DDHD2: variants seen among roughly 807,000 people sequenced by gnomAD.
The protein encoded by DDHD2 is DDHD domain containing 2.
In DDHD2, 62 loss-of-function variants were observed where a neutral mutation model predicts 91.2. The observed-to-expected ratio is 0.68, with a 90% CI of 0.55 to 0.84. The LOEUF (loss-of-function observed/expected upper bound fraction) is 0.84. Among genes scored for constraint, DDHD2 ranks in the 40% least tolerant of loss-of-function variants. The pLI is 0.00. For synonymous variants in DDHD2, 271 were observed against 293.9 expected, an observed-to-expected ratio of 0.92 and a Z score of 0.80; for missense variants, 740 against 846.9, an observed-to-expected ratio of 0.87 and a Z score of 1.57.
downstream of DDHD2, chr8:38,264,100 A>G: frequency 1.0e-5 from 10 of 995,156 alleles, no homozygotes; most frequent in Non-Finnish European, 1.2e-5. Flanking sequence ...TGTCTTGTGC[A>G]TGGTCCGGTT....
At chr8:38,254,585 T>A (rs1035581255) in intron 16 of DDHD2, among the ~76,000 whole-genome samples, 2 of 152,114 alleles carry the variant, frequency 1.3e-5, no homozygotes, top group African/African-American at 4.8e-5. Flanking sequence ...TTGCCCAGGC[T>A]GGTCTAAACT....
At chr8:38,240,850 A>G (rs1805200351) in intron 6 of DDHD2, among the ~76,000 whole-genome samples, 1 of 152,212 alleles carries the variant, frequency 6.6e-6, no homozygotes, top group Non-Finnish European at 1.5e-5. Flanking sequence ...AGGCAGGTGG[A>G]TCATGAGGTC....
chr8:38,245,639 G>A (rs545828716), intron 7 of DDHD2, 103 bp from the exon 8 acceptor site: 29 of 1,060,960 alleles, frequency 2.7e-5, no homozygotes, highest in African/African-American at 1.1e-4. Flanking sequence ...CCTATAAATC[G>A]ACAATTGTTT....
rs766474985 is a variant in DDHD2 at position 38,252,792 on chromosome 8, C to T, written c.1688C>T (p.Pro563Leu). ...PGVEFEPMLI[P>L]HHKGRKRMHL... Reference sequence around the variant, plus strand: ...GTGGAATTTGAGCCAATGCTGATCCCACATCATAAAGGCAGGAAGCGGATG... The same window carrying T: ...GTGGAATTTGAGCCAATGCTGATCCTACATCATAAAGGCAGGAAGCGGATG... The change falls in exon 14 of 18, where the codon CCA becomes CTA. Residue 563 changes from proline to leucine, a missense_variant. Pro to Leu is a moderately conservative substitution (Grantham distance 98). Coordinates refer to ENST00000397166, the MANE Select transcript of DDHD2 (RefSeq NM_015214.3). The T allele has an allele frequency of 5.0e-6, 8 of 1,614,032 alleles. No homozygotes were observed. In the South Asian group the frequency reaches 8.8e-5, roughly 18 times the overall value.
At chr8:38,255,278 C>G (rs1172695918) in intron 16 of DDHD2, 1 of 426,622 alleles carries the variant, frequency 2.3e-6, no homozygotes, top group Non-Finnish European at 4.5e-6. Flanking sequence ...TCATCTGATG[C>G]AATCACTATC....
rs763017121 is a variant in DDHD2, at chr8:38,233,228, A to G, written c.220+14A>G. On this transcript the variant is annotated intron_variant, in intron 2 of 17. Transcript: ENST00000397166. ...CATATAGCTCTGGTAGGTGAAAATT[A>G]TGACTTGGAATAGACAAAGACTCTC... The G allele has an allele frequency of 1.3e-6, 2 of 1,592,432 alleles. No individual in the cohort carries two copies. Among genetic ancestry groups the G allele is most frequent in the Non-Finnish European group, 8.6e-7 (1 of 1,161,570 alleles).
At chr8:38,258,548 G>A (rs893589329) in intron 16 of DDHD2, among the ~76,000 whole-genome samples, 1 of 152,116 alleles carries the variant, frequency 6.6e-6, no homozygotes, top group African/African-American at 2.4e-5. Context: ...ACCGTGCCTG[G>A]CCACTTAATT....
At chr8:38,264,269 TC>T, downstream of DDHD2, 1 of 726,292 alleles carries the variant, frequency 1.4e-6, no homozygotes, top group Non-Finnish European at 1.9e-6. Context: ...TACCTCAGCC[TC>T]CCAGGTAGCT....
downstream of DDHD2, chr8:38,263,902 T>G (rs557448600): frequency 2.0e-6 from 2 of 985,344 alleles, no homozygotes; most frequent in African/African-American, 3.5e-5. Context: ...TAGACCAGAT[T>G]CATAAGGTGT....
intron 11 of DDHD2, 75 bp downstream of exon 11, chr8:38,249,878 G>A: frequency 9.6e-7 from 1 of 1,037,588 alleles, no homozygotes; most frequent in South Asian, 1.6e-5. Context: ...TTTGTGGGAT[G>A]TTTACTCTGG....
chr8:38,241,175 A>G (rs1458923034), intron 6 of DDHD2, among the ~76,000 whole-genome samples: 3 of 152,062 alleles, frequency 2.0e-5, no homozygotes, highest in African/African-American at 7.2e-5. Context: ...AACATAAACT[A>G]GAATTGTATT....
At chr8:38,258,889 A>C (rs1280287141) in intron 16 of DDHD2, among the ~76,000 whole-genome samples, 1 of 152,190 alleles carries the variant, frequency 6.6e-6, no homozygotes, top group Non-Finnish European at 1.5e-5. Flanking sequence ...GTCCCTCATG[A>C]GTGTTAATCT....
chr8:38,257,867 T>C (rs1437247283), intron 16 of DDHD2, among the ~76,000 whole-genome samples: 1 of 151,898 alleles, frequency 6.6e-6, no homozygotes, highest in Non-Finnish European at 1.5e-5. Flanking sequence ...TTTCACCATG[T>C]TGGTCAGGCT....
chr8:38,271,268 T>C (rs1808467300), exon 2 of DDHD2: 1 of 152,184 alleles, frequency 6.6e-6, no homozygotes, highest in Non-Finnish European at 1.5e-5. Context: ...CAATGCTTTC[T>C]ACTTCATAAA....
intron 5 of DDHD2, among the ~76,000 whole-genome samples, chr8:38,239,684 C>T (rs1442185915): frequency 9.0e-6 from 1 of 111,098 alleles, no homozygotes; most frequent in African/African-American, 3.3e-5. Flanking sequence ...AAGACTCTGT[C>T]ACAAACAAAA....
intron 3 of DDHD2, among the ~76,000 whole-genome samples, chr8:38,235,879 A>ACG (rs1346207571): frequency 1.7e-5 from 2 of 119,678 alleles, no homozygotes; most frequent in African/African-American, 5.1e-5. Flanking sequence ...ACGCGCACAC[A>ACG]CACACACACA....
chr8:38,254,181 GT>G (rs1199318006), intron 16 of DDHD2, among the ~76,000 whole-genome samples: 1 of 152,016 alleles, frequency 6.6e-6, no homozygotes, highest in Non-Finnish European at 1.5e-5. Context: ...ACACACTGTT[GT>G]TTTATTTTGC....
At chr8:38,250,581 C>T (rs1806038434) in intron 11 of DDHD2, 1 of 152,058 alleles carries the variant, frequency 6.6e-6, no homozygotes, top group African/African-American at 2.4e-5. Flanking sequence ...GTATTATTAG[C>T]TTCAGAAGTC....
chr8:38,244,634 C>T (rs756082807), intron 7 of DDHD2, among the ~76,000 whole-genome samples: 7 of 151,740 alleles, frequency 4.6e-5, no homozygotes, highest in Non-Finnish European at 7.4e-5. Context: ...GGCACAATTT[C>T]GGCTCACTGC....
Sources: gnomAD v4.1 joint callset for allele counts (sites outside exome capture counted in the v4.1 genomes callset) on GRCh38, gnomAD v4.1.1 for gene constraint, MANE v1.5 for transcripts, NCBI Gene and HGNC (gene_info 2026-07-23, HGNC 2026-07-21) for gene names.